VEGFC: variants seen among roughly 807,000 people sequenced by gnomAD.
VEGFC encodes the protein vascular endothelial growth factor C.
In VEGFC, 12 loss-of-function variants were observed where a neutral mutation model predicts 46.1. The ratio of observed to expected loss-of-function variants is 0.26; its 90% CI spans 0.17 to 0.42. The LOEUF is 0.42. Among genes scored for constraint, VEGFC ranks in the 10% least tolerant of loss-of-function variants. The probability of loss-of-function intolerance (pLI) is 1.00; values close to 1 mark genes in which losing one functional copy is unlikely to be tolerated. For synonymous variants in VEGFC, 232 were observed against 195.5 expected, an observed-to-expected ratio of 1.19 and a Z score of -1.56; for missense variants, 488 against 529.4, an observed-to-expected ratio of 0.92 and a Z score of 0.77.
chr4:176,791,683 T>C (rs992631599), intron 1 of VEGFC, among the ~76,000 whole-genome samples: 1 of 152,158 alleles, frequency 6.6e-6, no homozygotes, highest in Non-Finnish European at 1.5e-5. Context: ...TGACACTTTT[T>C]TTCTAAAGTC....
intron 1 of VEGFC, among the ~76,000 whole-genome samples, chr4:176,790,532 AACAC>A (rs34739848): frequency 6.6e-6 from 1 of 151,112 alleles, no homozygotes; most frequent in South Asian, 2.1e-4. Context: ...AACACACGTA[AACAC>A]ACACACACAC....
rs189315086 is a variant in VEGFC at position 176,729,799 on chromosome 4, A to G, written c.148-53T>C. ...ACTTACCAGCTTAAGGGATTTAGAA[A>G]CAAATGCACTATAAAACGGTTAGGT... On this transcript the variant is annotated intron_variant, in intron 1 of 6. Coordinates refer to ENST00000618562, the MANE Select transcript of VEGFC (RefSeq NM_005429.5). The G allele has an allele frequency of 2.1e-6, 3 of 1,434,490 alleles. No homozygotes were observed. In the African/African-American group the frequency reaches 4.3e-5, roughly 20 times the overall value. The allele number at this position is 1,434,490 out of a possible 1,614,324, so 88.9% of individuals were successfully genotyped here.
chr4:176,693,951 G>A (rs1734258322), intron 4 of VEGFC, among the ~76,000 whole-genome samples: 5 of 151,350 alleles, frequency 3.3e-5, no homozygotes, highest in Admixed American at 2.6e-4. Context: ...TCACCACCAG[G>A]CCTGCCCTAA....
intron 1 of VEGFC, among the ~76,000 whole-genome samples, chr4:176,760,833 A>T (rs896022257): frequency 6.6e-6 from 1 of 152,204 alleles, no homozygotes; most frequent in Non-Finnish European, 1.5e-5. Flanking sequence ...AAGAAATGCG[A>T]TATTGAGGGA....
chr4:176,776,252 A>C (rs1201138846), intron 1 of VEGFC, among the ~76,000 whole-genome samples: 2 of 152,222 alleles, frequency 1.3e-5, no homozygotes, highest in African/African-American at 2.4e-5. Context: ...GAAATAAGGG[A>C]ACAAGAAGAA....
intron 1 of VEGFC, among the ~76,000 whole-genome samples, chr4:176,754,602 G>A (rs1373659152): frequency 6.6e-6 from 1 of 151,820 alleles, no homozygotes; most frequent in Non-Finnish European, 1.5e-5. Flanking sequence ...CACTTATAAA[G>A]AGCCTGTAAA....
intron 1 of VEGFC, among the ~76,000 whole-genome samples, chr4:176,778,952 C>A (rs1735862323): frequency 6.6e-6 from 1 of 152,022 alleles, no homozygotes; most frequent in African/African-American, 2.4e-5. Flanking sequence ...AGACTGGCCA[C>A]CTTCTGCCCC....
At chr4:176,758,108 AT>A (rs1415500228) in intron 1 of VEGFC, among the ~76,000 whole-genome samples, 1 of 152,044 alleles carries the variant, frequency 6.6e-6, no homozygotes, top group Non-Finnish European at 1.5e-5. Context: ...AATTCTTTGT[AT>A]TTTTAACCCT....
At chr4:176,747,569 A>G (rs1026840856) in intron 1 of VEGFC, among the ~76,000 whole-genome samples, 3 of 152,002 alleles carry the variant, frequency 2.0e-5, no homozygotes, top group African/African-American at 7.2e-5. Context: ...AAGCTGGAGG[A>G]CTGCTTGAGC....
intron 4 of VEGFC, among the ~76,000 whole-genome samples, chr4:176,710,419 T>C (rs184495156): frequency 1.1e-3 from 160 of 152,210 alleles, no homozygotes; most frequent in Middle Eastern, 3.4e-3. Flanking sequence ...CTTTCTCACA[T>C]AAAAGGGGAC....
In VEGFC at chr4:176,687,860, C is replaced by A. The variant is rs1734073946; in HGVS notation, c.772G>T (p.Ala258Ser). The A allele has an allele frequency of 1.6e-5, 26 of 1,613,492 alleles. No individual in the cohort carries two copies. The highest frequency in any genetic ancestry group is 2.1e-5 in the Non-Finnish European group (25 of 1,179,782). The change falls in exon 5 of 7, where the codon GCT becomes TCT. Residue 258 changes from alanine (A) to serine (S), a missense_variant. Physicochemically the swap from Ala to Ser is moderately conservative, Grantham distance 99. Transcript: ENST00000618562. Reference sequence around the variant, plus strand: ...GAGGAAAACATAAAATCTTCCTGAGCCAGGCATCTGCAGATGTGATTATTC... The same window carrying A: ...GAGGAAAACATAAAATCTTCCTGAGACAGGCATCTGCAGATGTGATTATTC... ...MWNNHICRCL[A>S]QEDFMFSSDA... is the part of the protein sequence containing the mutation.
Position 176,792,435 on chromosome 4 carries a change from C to G in VEGFC, c.-124G>C, listed in dbSNP as rs375857166. The G allele has an allele frequency of 6.5e-4, 463 of 717,618 alleles. 6 individuals are homozygous for G. In the African/African-American group the frequency reaches 7.1e-3, roughly 11 times the overall value. 44.5% of individuals were successfully genotyped at this position (717,618 alleles called of 1,614,324 possible). A position where few individuals can be genotyped will look rare whatever the true frequency, so the allele number is the denominator to read the frequency against. ...CCCCGGGCTCCTCCCGGCGACCCCCCCTGGGCGAGCCGGAGGCGGCGGGAG... is the reference window on the plus strand; with the variant it reads ...CCCCGGGCTCCTCCCGGCGACCCCCGCTGGGCGAGCCGGAGGCGGCGGGAG... On this transcript the variant is annotated 5_prime_UTR_variant, in exon 1 of 7. Transcript: ENST00000618562. The surrounding 1 kb of genome is among the most constrained non-coding windows in gnomAD (Gnocchi z 6.3).
intron 1 of VEGFC, among the ~76,000 whole-genome samples, chr4:176,740,545 A>G (rs374473715): frequency 6.9e-6 from 1 of 144,362 alleles, no homozygotes; most frequent in East Asian, 2.0e-4. Context: ...TATATAGAAC[A>G]TATGTAACTA....
intron 4 of VEGFC, among the ~76,000 whole-genome samples, chr4:176,700,002 G>C (rs932375560): frequency 6.6e-6 from 1 of 152,146 alleles, no homozygotes; most frequent in Admixed American, 6.5e-5. Context: ...CAGAGTTGGG[G>C]TTTGTTCAGA....
At chr4:176,740,638 C>A (rs1486290689) in intron 1 of VEGFC, among the ~76,000 whole-genome samples, 1 of 150,124 alleles carries the variant, frequency 6.7e-6, no homozygotes, top group East Asian at 2.0e-4. Context: ...CTGGAATACT[C>A]ACATTATTTT....
intron 1 of VEGFC, among the ~76,000 whole-genome samples, chr4:176,761,008 T>C (rs1156861675): frequency 1.3e-5 from 2 of 152,176 alleles, no homozygotes; most frequent in African/African-American, 4.8e-5. Flanking sequence ...AAAGATCCCA[T>C]GAATTTGAAG....
At chr4:176,731,031 A>G (rs1734954351) in intron 1 of VEGFC, among the ~76,000 whole-genome samples, 2 of 152,064 alleles carry the variant, frequency 1.3e-5, no homozygotes, top group Admixed American at 1.3e-4. Context: ...GTATGATTTG[A>G]GTATATCACT....
At chr4:176,690,537 G>A (rs1034258964) in intron 4 of VEGFC, among the ~76,000 whole-genome samples, 10 of 151,818 alleles carry the variant, frequency 6.6e-5, no homozygotes, top group South Asian at 2.1e-4. Flanking sequence ...TACTCATTGC[G>A]CATTTTTGTC....
chr4:176,731,907 A>T (rs1414717639), intron 1 of VEGFC, among the ~76,000 whole-genome samples: 1 of 152,048 alleles, frequency 6.6e-6, no homozygotes, highest in Non-Finnish European at 1.5e-5. Context: ...ATTTATTAAA[A>T]AAACACTGTT....
Sources: allele counts gnomAD v4.1 joint callset (sites outside exome capture counted in the v4.1 genomes callset), GRCh38; gene constraint gnomAD v4.1.1; non-coding constraint Gnocchi (gnomAD v3.1); transcripts MANE v1.5; gene names NCBI Gene and HGNC (gene_info 2026-07-23, HGNC 2026-07-21).